Variants in ZNF157 observed in about 807,000 individuals in gnomAD.
ZNF157 encodes the protein zinc finger protein 22.
ZNF157 carries 8 observed loss-of-function variants against 9.4 expected under a neutral mutation model. The ratio of observed to expected loss-of-function variants is 0.85; its 90% CI spans 0.50 to 1.53. The LOEUF (loss-of-function observed/expected upper bound fraction) is 1.53. ZNF157 is among the 40% of genes most tolerant of loss of function. ZNF157 has a pLI of 0.00. For missense variants in ZNF157, 316 were observed against 385.2 expected, an observed-to-expected ratio of 0.82 and a Z score of 1.50; for synonymous variants, 120 against 130.8, an observed-to-expected ratio of 0.92 and a Z score of 0.56.
At position 47,413,349 on chromosome X, in the gene ZNF157, A is replaced by G; in HGVS notation, c.1276A>G (p.Lys426Glu). Residue 426 changes from lysine (K) to glutamate (E), a missense_variant, in exon 4 of 4, where the codon AAG becomes GAG. Lys to Glu is a moderately conservative substitution (Grantham distance 56, BLOSUM62 1). Around this residue, in one of 3 missense-constraint regions of ZNF157, gnomAD observed 167 missense variants for 183.6 expected, o/e 0.91. Coordinates refer to ENST00000377073, the MANE Select transcript of ZNF157 (RefSeq NM_003446.4). ...CSECGKIFSM[K>E]KSLCQHRRTH... ...TGAATGTGGGAAAATCTTCAGTATG[A>G]AGAAATCCCTTTGTCAACACCGGAG... 1 of 1,211,771 alleles carries G rather than the reference A, an allele frequency of 8.3e-7. No individual in the cohort carries two copies. Among genetic ancestry groups the G allele is most frequent in the Non-Finnish European group, 1.1e-6 (1 of 895,416 alleles).
At chrX:47,379,724 CTTTT>C (rs200985634) in intron 1 of ZNF157, among the ~76,000 whole-genome samples, 1 of 62,761 alleles carries the variant, frequency 1.6e-5, no homozygotes, top group Non-Finnish European at 2.8e-5. Flanking sequence ...TGTCTAGATG[CTTTT>C]TTTTTTTTTT....
At chrX:47,410,147 C>T (rs959336900) in intron 1 of ZNF157, 129 bp from the exon 2 acceptor site, 30 of 944,052 alleles carry the variant, frequency 3.2e-5, no homozygotes, top group African/African-American at 5.8e-5. Context: ...GTATATCAAG[C>T]GAGACACAAA....
chrX:47,377,075 G>A (rs773192779), intron 1 of ZNF157, among the ~76,000 whole-genome samples: 1 of 111,198 alleles, frequency 9.0e-6, no homozygotes. Flanking sequence ...TAATGGATCA[G>A]CTGGCAACAC....
At chrX:47,379,176 A>G (rs777299483) in intron 1 of ZNF157, among the ~76,000 whole-genome samples, 2 of 108,706 alleles carry the variant, frequency 1.8e-5, no homozygotes, top group East Asian at 5.8e-4. Flanking sequence ...ATATTTTTAT[A>G]GAGATGGGGT....
rs536935904 is a variant in ZNF157, at chrX:47,396,912, T to G, written c.73-13364T>G. Among the ~76,000 whole-genome samples, 4 of 111,542 alleles carry G rather than the reference T, an allele frequency of 3.6e-5. No homozygotes were observed. In the Admixed American group the frequency reaches 3.9e-4, roughly 11 times the overall value. ...AGAGCATGTGCAGGGGAACTCCCCT[T>G]TATAAAATCATCCATTCTTGTGAGA... On this transcript the variant is annotated intron_variant, in intron 1 of 3. Coordinates refer to ENST00000377073, the MANE Select transcript of ZNF157 (RefSeq NM_003446.4).
rs190637631 is a variant in ZNF157 at position 47,385,714 on chromosome X, C to T, written c.72+14974C>T. Among the ~76,000 whole-genome samples the T allele has an allele frequency of 7.3e-5, 8 of 109,734 alleles. No individual in the cohort carries two copies. The East Asian group carries it at 2.0e-3, about 27-fold the overall frequency. On this transcript the variant is annotated intron_variant, in intron 1 of 3. Coordinates refer to ENST00000377073, the MANE Select transcript of ZNF157 (RefSeq NM_003446.4). ...TCCTGAGTAGCTGGGATTACAGGTG[C>T]GTGCCACTACGCCCAGCTAATTTTT...
intron 1 of ZNF157, among the ~76,000 whole-genome samples, chrX:47,398,008 GT>G (rs978702562): frequency 1.9e-5 from 2 of 107,784 alleles, no homozygotes; most frequent in Non-Finnish European, 3.9e-5. Flanking sequence ...TTGTTTTTGT[GT>G]TTTTTTTTGA....
At chrX:47,373,264 C>T (rs1452010813) in intron 1 of ZNF157, among the ~76,000 whole-genome samples, 1 of 111,037 alleles carries the variant, frequency 9.0e-6, no homozygotes, top group Non-Finnish European at 1.9e-5. Context: ...TGAGGGTGAG[C>T]GGCCACTGTC....
At chrX:47,370,790 T>A in intron 1 of ZNF157, 50 bp downstream of exon 1, 1 of 998,641 alleles carries the variant, frequency 1.0e-6, no homozygotes, top group Non-Finnish European at 1.3e-6. Flanking sequence ...TTTTTTTATT[T>A]ATTTTTAGTT....
intron 1 of ZNF157, among the ~76,000 whole-genome samples, chrX:47,375,606 C>T (rs775218167): frequency 1.4e-4 from 16 of 111,378 alleles, no homozygotes; most frequent in African/African-American, 4.2e-4. Flanking sequence ...AGTTTCATTC[C>T]GTTTCACCTG....
Position 47,412,411 on chromosome X carries a change from A to C in ZNF157, c.338A>C (p.Asn113Thr). ...LLCGNGSVGDNALRHDNDLLH... is the reference protein window; with the variant it reads ...LLCGNGSVGDTALRHDNDLLH... ...TGTGGCAATGGTTCTGTTGGGGATA[A>C]TGCCCTCAGGCATGATAATGACCTT... Residue 113 changes from asparagine to threonine, a missense_variant, in exon 4 of 4, where the codon AAT becomes ACT. Physicochemically the swap from Asn to Thr is moderately conservative, Grantham distance 65 (BLOSUM62 0). Coordinates refer to ENST00000377073, the MANE Select transcript of ZNF157 (RefSeq NM_003446.4). 1 of 1,209,489 alleles carries C rather than the reference A, an allele frequency of 8.3e-7. No individual in the cohort carries two copies. The highest frequency in any genetic ancestry group is 1.1e-6 in the Non-Finnish European group (1 of 893,556).
intron 1 of ZNF157, among the ~76,000 whole-genome samples, chrX:47,405,109 C>T (rs1293563994): frequency 4.5e-5 from 5 of 111,071 alleles, no homozygotes; most frequent in East Asian, 5.7e-4. Context: ...AGGGGGAGGC[C>T]GGACGTGGTG....
At chrX:47,375,365 C>T (rs759567592) in intron 1 of ZNF157, among the ~76,000 whole-genome samples, 4 of 107,310 alleles carry the variant, frequency 3.7e-5, no homozygotes, top group Non-Finnish European at 5.7e-5. Flanking sequence ...TAAGATAGTA[C>T]CTATAATTCC....
chrX:47,374,702 C>CTT (rs869212909), intron 1 of ZNF157, among the ~76,000 whole-genome samples: 751 of 56,621 alleles, frequency 0.013, 18 homozygotes, highest in African/African-American at 0.022. Context: ...GCCCAGCAAT[C>CTT]TTTTTTTTTT....
chrX:47,408,298 G>A (rs2055953342), intron 1 of ZNF157, among the ~76,000 whole-genome samples: 1 of 109,448 alleles, frequency 9.1e-6, no homozygotes, highest in Non-Finnish European at 1.9e-5. Flanking sequence ...TAGTAGAAAT[G>A]GGGTTTCACC....
intron 1 of ZNF157, among the ~76,000 whole-genome samples, chrX:47,402,905 T>A (rs2055934971): frequency 9.2e-6 from 1 of 109,224 alleles, no homozygotes; most frequent in Non-Finnish European, 1.9e-5. Flanking sequence ...TATTGCAGAG[T>A]GGTGAAGTCT....
chrX:47,398,266 G>A (rs781386249), intron 1 of ZNF157, among the ~76,000 whole-genome samples: 1 of 111,512 alleles, frequency 9.0e-6, no homozygotes, highest in African/African-American at 3.3e-5. Context: ...AGCCCAGCAA[G>A]GTATTGCCAC....
intron 1 of ZNF157, among the ~76,000 whole-genome samples, chrX:47,404,852 G>A (rs1195119432): frequency 9.1e-6 from 1 of 110,023 alleles, no homozygotes; most frequent in Non-Finnish European, 1.9e-5. Context: ...GTATTAGTCT[G>A]TTCTCACACT....
intron 3 of ZNF157, among the ~76,000 whole-genome samples, chrX:47,411,086 T>C (rs2055963440): frequency 9.2e-6 from 1 of 108,464 alleles, no homozygotes; most frequent in Non-Finnish European, 1.9e-5. Context: ...CCTCCCGGGC[T>C]CAAGCGATTC....
Sources: gnomAD v4.1 joint callset for allele counts (sites outside exome capture counted in the v4.1 genomes callset) on GRCh38, gnomAD v4.1.1 for gene constraint, gnomAD v4.1.1 regional missense constraint, MANE v1.5 for transcripts, NCBI Gene and HGNC (gene_info 2026-07-23, HGNC 2026-07-21) for gene names.